Variants in YAP1 observed in about 807,000 individuals in gnomAD.
The protein encoded by YAP1 is transcriptional coactivator YAP1.
In YAP1, 5 loss-of-function variants were observed where a neutral mutation model predicts 56.9. The ratio of observed to expected loss-of-function variants is 0.09; its 90% CI spans 0.05 to 0.18. YAP1 has a LOEUF of 0.18. Ranked by LOEUF, YAP1 falls within the 10% of genes least tolerant of loss-of-function variation. The pLI, the probability that YAP1 is intolerant of heterozygous loss-of-function variation, is 1.00. For synonymous variants in YAP1, 265 were observed against 248.1 expected (o/e 1.07, Z -0.64); for missense variants, 539 against 651.8 (o/e 0.83, Z 1.88).
chr11:102,138,761 G>C (rs575139033), intron 2 of YAP1, among the ~76,000 whole-genome samples: 26 of 152,146 alleles, frequency 1.7e-4, no homozygotes, highest in Non-Finnish European at 2.6e-4. Context: ...TTACAGACTA[G>C]TAAATTATCT....
At chr11:102,223,241 C>T (rs1195951123) in intron 6 of YAP1, among the ~76,000 whole-genome samples, 3 of 142,030 alleles carry the variant, frequency 2.1e-5, no homozygotes, top group Non-Finnish European at 3.0e-5. Flanking sequence ...AGTGAGACTC[C>T]GTCTTGAAGA....
At chr11:102,188,913 T>C (rs1222929697) in intron 4 of YAP1, among the ~76,000 whole-genome samples, 3 of 151,034 alleles carry the variant, frequency 2.0e-5, no homozygotes, top group Non-Finnish European at 4.4e-5. Flanking sequence ...GATTGGGTTT[T>C]TTAATGATTT....
At chr11:102,182,943 A>G (rs953767665) in intron 3 of YAP1, among the ~76,000 whole-genome samples, 1 of 152,234 alleles carries the variant, frequency 6.6e-6, no homozygotes, top group African/African-American at 2.4e-5. Flanking sequence ...TTAAGCTTAC[A>G]GAAAGTTCAA....
chr11:102,215,066 C>G (rs755275745), intron 6 of YAP1, among the ~76,000 whole-genome samples: 2 of 152,104 alleles, frequency 1.3e-5, no homozygotes, highest in Non-Finnish European at 2.9e-5. Context: ...AAACATAAAG[C>G]ATTGGCTCAG....
At chr11:102,141,166 G>C (rs1174989559) in intron 2 of YAP1, among the ~76,000 whole-genome samples, 2 of 152,058 alleles carry the variant, frequency 1.3e-5, no homozygotes, top group Non-Finnish European at 2.9e-5. Context: ...GTCTGCCTTG[G>C]GAGTCCCTCA....
chr11:102,204,339 G>C (rs1348575652), intron 4 of YAP1, among the ~76,000 whole-genome samples: 1 of 152,106 alleles, frequency 6.6e-6, no homozygotes, highest in African/African-American at 2.4e-5. Context: ...TGTAGAAATG[G>C]CTCAGTATTT....
intron 2 of YAP1, among the ~76,000 whole-genome samples, chr11:102,143,989 A>G (rs564051687): frequency 6.6e-6 from 1 of 152,350 alleles, no homozygotes; most frequent in South Asian, 2.1e-4. Context: ...AGACGTGTAA[A>G]GAAAACTAAG....
chr11:102,152,952 T>C (rs776924877), intron 2 of YAP1, among the ~76,000 whole-genome samples: 32 of 152,196 alleles, frequency 2.1e-4, no homozygotes, highest in Non-Finnish European at 3.5e-4. Context: ...ACATTTGAGC[T>C]GTCCTCAAAG....
intron 2 of YAP1, among the ~76,000 whole-genome samples, chr11:102,154,779 T>C (rs767556100): frequency 1.9e-4 from 29 of 152,342 alleles, no homozygotes; most frequent in Non-Finnish European, 3.4e-4. Context: ...TTGTTACTTA[T>C]TGGTAATTTA....
At chr11:102,213,960 C>A (rs1290158255) in intron 6 of YAP1, among the ~76,000 whole-genome samples, 1 of 152,160 alleles carries the variant, frequency 6.6e-6, no homozygotes, top group East Asian at 1.9e-4. Context: ...CACCTGTAGT[C>A]CCAGCTACTC....
At chr11:102,215,289 C>G (rs17097502) in intron 6 of YAP1, among the ~76,000 whole-genome samples, 1,774 of 152,248 alleles carry the variant, frequency 0.012, 32 homozygotes, top group African/African-American at 0.04. Flanking sequence ...ATTTGGATTT[C>G]CAGTTCACTA....
rs748108112 is a variant in YAP1, at chr11:102,229,781, T to A, written c.1356T>A (p.Asn452Lys). The change falls in exon 9 of 9, where the codon AAT becomes AAA. Residue 452 changes from asparagine to lysine, a missense_variant. Asn to Lys is a moderately conservative substitution (Grantham distance 94). This residue lies in a region of YAP1 where 414 missense variants were observed against 512.4 expected (regional missense o/e 0.81). Transcript: ENST00000282441. Reference sequence around the variant, plus strand: ...ACCTTGAAGCCATTCCTGGGACAAATGTGGACCTTGGAACACTGGAAGGAG... The same window carrying A: ...ACCTTGAAGCCATTCCTGGGACAAAAGTGGACCTTGGAACACTGGAAGGAG... ...PDYLEAIPGT[N>K]VDLGTLEGDG... The A allele has an allele frequency of 6.2e-7, 1 of 1,614,130 alleles. No homozygotes were observed. Among genetic ancestry groups the A allele is most frequent in the Non-Finnish European group, 8.5e-7 (1 of 1,179,996 alleles).
At chr11:102,228,989 C>A (rs571137811) in intron 8 of YAP1, among the ~76,000 whole-genome samples, 4 of 152,318 alleles carry the variant, frequency 2.6e-5, no homozygotes, top group Admixed American at 1.3e-4. Flanking sequence ...ATTTCACACA[C>A]AACACCTTTA....
In YAP1 at chr11:102,110,731, A is replaced by C; in HGVS notation, c.-118A>C. On this transcript the variant is annotated 5_prime_UTR_variant, in exon 1 of 9. Transcript: ENST00000282441. ...GCCCCCCGGCCCTGAGAGCGAGGACAGCGCCGCCCGGCCCGCAGCCGTCGC... is the reference window on the plus strand; with the variant it reads ...GCCCCCCGGCCCTGAGAGCGAGGACCGCGCCGCCCGGCCCGCAGCCGTCGC... 1.0e-6 allele frequency: 1 copy of C among 969,532 alleles called. No homozygotes were observed. Among genetic ancestry groups the C allele is most frequent in the Non-Finnish European group, 1.3e-6 (1 of 764,698 alleles). The allele number at this position is 969,532 out of a possible 1,614,324, so 60.1% of individuals were successfully genotyped here.
intron 4 of YAP1, among the ~76,000 whole-genome samples, chr11:102,195,044 C>T (rs890630716): frequency 5.3e-5 from 8 of 152,136 alleles, no homozygotes; most frequent in Non-Finnish European, 1.2e-4. Context: ...AGGTGCAAAT[C>T]ACCATGTCTG....
At chr11:102,163,373 G>A (rs1163346856) in intron 3 of YAP1, among the ~76,000 whole-genome samples, 3 of 152,114 alleles carry the variant, frequency 2.0e-5, no homozygotes, top group Admixed American at 6.5e-5. Context: ...ACTGTCTGGC[G>A]TCTTTCTCCT....
intron 3 of YAP1, 50 bp from the exon 4 acceptor site, chr11:102,185,968 A>G: frequency 6.7e-7 from 1 of 1,488,080 alleles, no homozygotes; most frequent in Non-Finnish European, 8.9e-7. Flanking sequence ...ACTTTTTTTT[A>G]GGTGCACCAA....
intron 2 of YAP1, among the ~76,000 whole-genome samples, chr11:102,155,528 G>A (rs1292495354): frequency 6.6e-6 from 1 of 152,188 alleles, no homozygotes; most frequent in Non-Finnish European, 1.5e-5. Context: ...TTGACTGTTT[G>A]TATTATTTTC....
At chr11:102,146,432 T>C (rs1945325713) in intron 2 of YAP1, among the ~76,000 whole-genome samples, 1 of 152,224 alleles carries the variant, frequency 6.6e-6, no homozygotes, top group South Asian at 2.1e-4. Flanking sequence ...ATGTTGTATA[T>C]TCATGCATGC....
Sources: gnomAD v4.1 joint callset for allele counts (sites outside exome capture counted in the v4.1 genomes callset) on GRCh38, gnomAD v4.1.1 for gene constraint, gnomAD v4.1.1 regional missense constraint, MANE v1.5 for transcripts, NCBI Gene and HGNC (gene_info 2026-07-23, HGNC 2026-07-21) for gene names.